The following FAT3 variants were observed in gnomAD, a reference collection of about 807,000 sequenced individuals.
The protein encoded by FAT3 is protocadherin Fat 3.
FAT3 carries 95 observed loss-of-function variants against 310.2 expected under a neutral mutation model. That is an observed-to-expected ratio of 0.31 (90% CI 0.26 to 0.36). The LOEUF is 0.36. Ranked by LOEUF, FAT3 falls within the 10% of genes least tolerant of loss-of-function variation. The pLI is 1.00. For missense variants in FAT3, 5,408 were observed against 5,715.6 expected (o/e 0.95, Z 1.74); for synonymous variants, 2,314 against 2,192.9 (o/e 1.06, Z -1.54).
chr11:92,745,139 G>A (rs2136037182), intron 4 of FAT3, among the ~76,000 whole-genome samples: 1 of 152,278 alleles, frequency 6.6e-6, no homozygotes, highest in East Asian at 1.9e-4. Flanking sequence ...GTAACTTAAA[G>A]CATGAAGTCC....
intron 3 of FAT3, among the ~76,000 whole-genome samples, chr11:92,643,595 A>G (rs1055610996): frequency 6.6e-6 from 1 of 152,228 alleles, no homozygotes; most frequent in African/African-American, 2.4e-5. Flanking sequence ...TACACTGTAA[A>G]CTATAAAAAT....
intron 22 of FAT3, among the ~76,000 whole-genome samples, chr11:92,878,472 T>A (rs1215042735): frequency 1.4e-4 from 21 of 151,454 alleles, no homozygotes; most frequent in Non-Finnish European, 1.2e-4. Flanking sequence ...GCTACCCAAG[T>A]TGACACATAA....
chr11:92,840,855 A>G lies in FAT3; in HGVS notation c.10566+96A>G, dbSNP rs1189326286. The G allele has an allele frequency of 5.0e-6, 6 of 1,198,896 alleles. No homozygotes were observed. In the East Asian group the frequency reaches 7.2e-5, roughly 14 times the overall value. 74.3% of individuals were successfully genotyped at this position (1,198,896 alleles called of 1,614,324 possible). On this transcript the variant is annotated intron_variant, in intron 18 of 27. Coordinates refer to ENST00000525166, the MANE Select transcript of FAT3 (RefSeq NM_001367949.2). ...ATTTTTTTCTTTGCTGAGTAAGTCA[A>G]CATAATTCATTACCATGCGGGAATG...
intron 22 of FAT3, among the ~76,000 whole-genome samples, chr11:92,875,089 T>A (rs1286291392): frequency 6.6e-6 from 1 of 151,676 alleles, no homozygotes; most frequent in Non-Finnish European, 1.5e-5. Flanking sequence ...ATAAATAATA[T>A]TTTGTGAGAA....
intron 4 of FAT3, among the ~76,000 whole-genome samples, chr11:92,740,004 T>A (rs1945460431): frequency 1.3e-5 from 2 of 152,168 alleles, no homozygotes; most frequent in Admixed American, 6.5e-5. Context: ...ATCTGGGCAA[T>A]GTCATGCCCT....
intron 1 of FAT3, among the ~76,000 whole-genome samples, chr11:92,268,438 T>C (rs1270993027): frequency 6.6e-6 from 1 of 152,078 alleles, no homozygotes; most frequent in East Asian, 1.9e-4. Flanking sequence ...TGAACATGTT[T>C]GACAATTGTA....
intron 2 of FAT3, among the ~76,000 whole-genome samples, chr11:92,490,634 A>AT (rs1565357153): frequency 6.6e-6 from 1 of 151,882 alleles, no homozygotes; most frequent in Non-Finnish European, 1.5e-5. Flanking sequence ...CCTCCCAAAG[A>AT]TTTTTTTTGA....
At chr11:92,686,060 G>T (rs1208888603) in intron 3 of FAT3, among the ~76,000 whole-genome samples, 1 of 152,118 alleles carries the variant, frequency 6.6e-6, no homozygotes, top group Admixed American at 6.6e-5. Flanking sequence ...AGAAACTGAG[G>T]TGCACATTTT....
chr11:92,768,476 C>A (rs993860559), intron 6 of FAT3, among the ~76,000 whole-genome samples: 2 of 152,166 alleles, frequency 1.3e-5, no homozygotes, highest in Non-Finnish European at 2.9e-5. Context: ...TCTTTCTAAT[C>A]CATCAGAGTC....
At chr11:92,390,103 C>T (rs544075359) in intron 2 of FAT3, among the ~76,000 whole-genome samples, 3 of 151,834 alleles carry the variant, frequency 2.0e-5, no homozygotes, top group Non-Finnish European at 4.4e-5. Context: ...ATCTTAAGAG[C>T]TAAGTTTTGT....
chr11:92,532,765 C>A (rs1954124119), intron 3 of FAT3, among the ~76,000 whole-genome samples: 1 of 152,136 alleles, frequency 6.6e-6, no homozygotes, highest in African/African-American at 2.4e-5. Flanking sequence ...GCTTAAGCAG[C>A]TCCAAATCCT....
chr11:92,360,599 A>T (rs989175578), intron 2 of FAT3, among the ~76,000 whole-genome samples: 2 of 152,242 alleles, frequency 1.3e-5, no homozygotes, highest in African/African-American at 4.8e-5. Flanking sequence ...GGAAGGTACA[A>T]ACTTGATCAA....
chr11:92,450,883 G>A (rs893777826), intron 2 of FAT3, among the ~76,000 whole-genome samples: 3 of 152,126 alleles, frequency 2.0e-5, no homozygotes, highest in Admixed American at 6.6e-5. Flanking sequence ...GAAAATCCTG[G>A]TAAACTTGGA....
At chr11:92,333,079 C>G (rs1346232812) in intron 1 of FAT3, among the ~76,000 whole-genome samples, 1 of 152,056 alleles carries the variant, frequency 6.6e-6, no homozygotes. Context: ...AAGGTCAAGC[C>G]AAGAACCCAA....
chr11:92,338,939 C>A (rs1343980857), intron 1 of FAT3, among the ~76,000 whole-genome samples: 1 of 152,120 alleles, frequency 6.6e-6, no homozygotes, highest in Non-Finnish European at 1.5e-5. Context: ...TGGAAGGGAA[C>A]CCAGTTTCTA....
chr11:92,665,863 C>T (rs1007529458), intron 3 of FAT3, among the ~76,000 whole-genome samples: 4 of 152,156 alleles, frequency 2.6e-5, no homozygotes, highest in Non-Finnish European at 5.9e-5. Flanking sequence ...TCTTCCTTCT[C>T]TTCTACTTAG....
chr11:92,357,542 C>T (rs1288104786), intron 2 of FAT3, among the ~76,000 whole-genome samples: 2 of 152,048 alleles, frequency 1.3e-5, no homozygotes, highest in Admixed American at 6.6e-5. Flanking sequence ...TCTTTATAGC[C>T]CCATTGTTTA....
intron 2 of FAT3, chr11:92,400,733 AT>A (rs1949995107): frequency 6.6e-6 from 1 of 152,092 alleles, no homozygotes; most frequent in African/African-American, 2.4e-5. Flanking sequence ...AAATATCAAA[AT>A]TAAATATAAT....
At chr11:92,626,507 GCTTTT>G (rs1315206741) in intron 3 of FAT3, among the ~76,000 whole-genome samples, 2 of 150,452 alleles carry the variant, frequency 1.3e-5, no homozygotes, top group African/African-American at 4.9e-5. Flanking sequence ...TAACCTTGAT[GCTTTT>G]CTTAGTGAGT....
Sources: allele counts gnomAD v4.1 joint callset (sites outside exome capture counted in the v4.1 genomes callset), GRCh38; gene constraint gnomAD v4.1.1; transcripts MANE v1.5; gene names NCBI Gene and HGNC (gene_info 2026-07-23, HGNC 2026-07-21).